ZBTB20: variants seen among roughly 807,000 people sequenced by gnomAD.
ZBTB20 encodes the protein zinc finger and BTB domain-containing protein 20.
ZBTB20 carries 9 observed loss-of-function variants against 56.9 expected under a neutral mutation model. The ratio of observed to expected loss-of-function variants is 0.16; its 90% CI spans 0.10 to 0.28. ZBTB20 has a LOEUF of 0.28. Ranked by LOEUF, ZBTB20 falls within the 10% of genes least tolerant of loss-of-function variation. The probability of loss-of-function intolerance (pLI) is 1.00; values close to 1 mark genes in which losing one functional copy is unlikely to be tolerated. For missense variants in ZBTB20, 655 were observed against 1,003.0 expected (o/e 0.65, Z 4.69); for synonymous variants, 417 against 420.7 (o/e 0.99, Z 0.11).
intron 5 of ZBTB20, among the ~76,000 whole-genome samples, chr3:114,734,907 G>A (rs891225820): frequency 6.6e-6 from 1 of 152,024 alleles, no homozygotes; most frequent in Non-Finnish European, 1.5e-5. Flanking sequence ...ACACACCCAT[G>A]AGCCTAACAC....
intron 3 of ZBTB20, among the ~76,000 whole-genome samples, chr3:114,930,340 AG>A (rs1267973873): frequency 1.3e-5 from 2 of 152,232 alleles, no homozygotes; most frequent in Non-Finnish European, 2.9e-5. Context: ...AAATGAAAAA[AG>A]GGAAATAATA....
intron 5 of ZBTB20, among the ~76,000 whole-genome samples, chr3:114,774,107 C>A (rs1234544598): frequency 6.6e-6 from 1 of 152,134 alleles, no homozygotes; most frequent in Non-Finnish European, 1.5e-5. Context: ...TAACTACCAA[C>A]AACATGCTGA....
At chr3:114,544,600 C>T (rs1483366995) in intron 6 of ZBTB20, among the ~76,000 whole-genome samples, 1 of 151,272 alleles carries the variant, frequency 6.6e-6, no homozygotes, top group East Asian at 1.9e-4. Flanking sequence ...GCCTCCTGGG[C>T]CCAAGTGATC....
In ZBTB20 at chr3:114,662,500, A is replaced by G. The variant is rs1351550829; in HGVS notation, c.-295+31028T>C. On this transcript the variant is annotated intron_variant, in intron 6 of 11. Transcript: ENST00000675478. ...GCCACACTCACTTCCACAATGGTTG[A>G]ACTAGTTTACAGTCCCACCAACAGT... Among the ~76,000 whole-genome samples, 4 of 145,690 alleles carry G rather than the reference A, an allele frequency of 2.7e-5. No individual in the cohort carries two copies. In the East Asian group the frequency reaches 8.0e-4, roughly 29 times the overall value.
intron 2 of ZBTB20, among the ~76,000 whole-genome samples, chr3:114,977,837 C>G (rs939184911): frequency 6.6e-6 from 1 of 151,762 alleles, no homozygotes; most frequent in African/African-American, 2.4e-5. Context: ...TGGTGAAACC[C>G]TGTCTCCACA....
intron 1 of ZBTB20, among the ~76,000 whole-genome samples, chr3:115,072,473 A>G (rs1439546776): frequency 6.6e-6 from 1 of 152,168 alleles, no homozygotes; most frequent in Admixed American, 6.5e-5. Context: ...GTTTGCCCAC[A>G]GGAAGTGCTC....
At chr3:114,665,945 G>A (rs931140612) in intron 6 of ZBTB20, among the ~76,000 whole-genome samples, 1 of 151,878 alleles carries the variant, frequency 6.6e-6, no homozygotes, top group African/African-American at 2.4e-5. Flanking sequence ...TTATTTATTG[G>A]GCGGAGTTTT....
At chr3:115,119,194 T>C (rs1031536458) in intron 1 of ZBTB20, among the ~76,000 whole-genome samples, 1 of 152,200 alleles carries the variant, frequency 6.6e-6, no homozygotes, top group Non-Finnish European at 1.5e-5. Flanking sequence ...TTCTCTTGAA[T>C]ATGTTTCTTA....
intron 3 of ZBTB20, among the ~76,000 whole-genome samples, chr3:114,935,086 T>C (rs17685333): frequency 0.02 from 3,021 of 152,252 alleles, 41 homozygotes; most frequent in South Asian, 0.032. Context: ...TCAATTTGGG[T>C]CATGGTAACT....
intron 3 of ZBTB20, among the ~76,000 whole-genome samples, chr3:114,910,482 G>A (rs145789681): frequency 8.0e-4 from 122 of 151,812 alleles, no homozygotes; most frequent in Admixed American, 1.2e-3. Context: ...CCCAGATAAA[G>A]GTATTATGAG....
intron 5 of ZBTB20, among the ~76,000 whole-genome samples, chr3:114,719,190 C>A (rs2064729463): frequency 1.2e-5 from 1 of 84,092 alleles, no homozygotes; most frequent in African/African-American, 4.9e-5. Context: ...GGGGGTTGTG[C>A]AGGGGGGGGA....
chr3:114,863,196 C>A (rs1265230788), intron 4 of ZBTB20, among the ~76,000 whole-genome samples: 1 of 152,062 alleles, frequency 6.6e-6, no homozygotes, highest in Non-Finnish European at 1.5e-5. Context: ...TTAATTACAA[C>A]ATATATCCAT....
chr3:114,870,284 T>C (rs1477037463), intron 4 of ZBTB20, among the ~76,000 whole-genome samples: 1 of 151,894 alleles, frequency 6.6e-6, no homozygotes, highest in Admixed American at 6.6e-5. Flanking sequence ...CACAAATTTG[T>C]CATAGTTAAT....
intron 6 of ZBTB20, among the ~76,000 whole-genome samples, chr3:114,552,670 T>C (rs1265820168): frequency 6.6e-6 from 1 of 152,234 alleles, no homozygotes; most frequent in East Asian, 1.9e-4. Flanking sequence ...AAAAAGTCTT[T>C]GCTGCAGATG....
intron 6 of ZBTB20, among the ~76,000 whole-genome samples, chr3:114,598,111 C>A (rs1331533313): frequency 6.6e-6 from 1 of 152,138 alleles, no homozygotes; most frequent in African/African-American, 2.4e-5. Flanking sequence ...ACATTATCCA[C>A]TTTGCCTGTG....
Position 114,486,139 on chromosome 3 carries a change from G to GTGT in ZBTB20, c.-255+14212_-255+14213insACA, listed in dbSNP as rs1577037951. 2.0e-4 allele frequency among the ~76,000 whole-genome samples: 7 copies of GTGT among 34,334 alleles called. 1 individual carries two copies. Among genetic ancestry groups the GTGT allele is most frequent in the Admixed American group, 1.3e-3 (4 of 2,998 alleles). The allele number at this position is 34,334 out of a possible 152,430, so 22.5% of individuals were successfully genotyped here. The stretch of plus-strand genomic sequence containing the variant: ...GTAAGAGTGTGTGTGTGTGTGTGTG[G>GTGT]GGGGGGGGGGCGGTGTATGAATTCC... On this transcript the variant is annotated intron_variant, in intron 7 of 11. Transcript: ENST00000675478.
intron 10 of ZBTB20, among the ~76,000 whole-genome samples, chr3:114,377,766 G>A (rs760539062): frequency 2.0e-5 from 3 of 152,108 alleles, no homozygotes; most frequent in Admixed American, 6.5e-5. Flanking sequence ...AACCACAAGC[G>A]AGTCTTCCAT....
At chr3:114,683,412 A>C (rs368442999) in intron 6 of ZBTB20, among the ~76,000 whole-genome samples, 17 of 151,956 alleles carry the variant, frequency 1.1e-4, no homozygotes, top group African/African-American at 3.1e-4. Flanking sequence ...TCAACAGTAG[A>C]GAAGAAGTTG....
At chr3:114,992,154 C>T (rs1442360071) in intron 2 of ZBTB20, among the ~76,000 whole-genome samples, 1 of 151,902 alleles carries the variant, frequency 6.6e-6, no homozygotes, top group Admixed American at 6.6e-5. Context: ...CTGTATGATG[C>T]TAACTGCTAA....
Sources: allele counts gnomAD v4.1 joint callset (sites outside exome capture counted in the v4.1 genomes callset), GRCh38; gene constraint gnomAD v4.1.1; transcripts MANE v1.5; gene names NCBI Gene and HGNC (gene_info 2026-07-23, HGNC 2026-07-21).